The following COA1 variants were observed in gnomAD, a reference collection of about 807,000 sequenced individuals.
COA1 encodes cytochrome c oxidase assembly factor 1 homolog.
A neutral mutation model predicts 16.0 loss-of-function variants in COA1; 13 were observed. The ratio of observed to expected loss-of-function variants is 0.81; its 90% CI spans 0.53 to 1.29. The LOEUF is 1.29. Ranked by LOEUF, COA1 falls within the 50% of genes most tolerant of loss-of-function variation. The pLI is 0.00. For synonymous variants in COA1, 65 were observed against 65.7 expected (o/e 0.99, Z 0.05); for missense variants, 179 against 177.0 (o/e 1.01, Z -0.06).
chr7:43,633,630 A>T (rs1237354216), intron 6 of COA1, among the ~76,000 whole-genome samples: 1 of 152,238 alleles, frequency 6.6e-6, no homozygotes, highest in Non-Finnish European at 1.5e-5. Flanking sequence ...ACACAAAGTG[A>T]GCACAAGCTG....
intron 1 of COA1, among the ~76,000 whole-genome samples, chr7:43,699,779 T>C (rs2094648810): frequency 1.3e-5 from 2 of 152,198 alleles, no homozygotes; most frequent in Non-Finnish European, 2.9e-5. Context: ...CCAAAGGCAC[T>C]TGAGAAATAT....
At chr7:43,727,849 T>C (rs748044248) in intron 1 of COA1, among the ~76,000 whole-genome samples, 4 of 152,230 alleles carry the variant, frequency 2.6e-5, no homozygotes, top group South Asian at 2.1e-4. Context: ...GAATAACTTA[T>C]TGGAGTCTGT....
intron 6 of COA1, among the ~76,000 whole-genome samples, chr7:43,620,863 A>G (rs1042319353): frequency 2.0e-5 from 3 of 151,968 alleles, no homozygotes; most frequent in Non-Finnish European, 4.4e-5. Context: ...GACCTGGGAG[A>G]AGAGGAGGGC....
intron 1 of COA1, among the ~76,000 whole-genome samples, chr7:43,660,846 C>G (rs2153159445): frequency 6.6e-6 from 1 of 152,330 alleles, no homozygotes; most frequent in East Asian, 1.9e-4. Context: ...CCTTCTAATA[C>G]AGAAAACTGA....
intron 6 of COA1, among the ~76,000 whole-genome samples, chr7:43,622,025 T>A (rs2083949454): frequency 6.6e-6 from 1 of 152,208 alleles, no homozygotes; most frequent in South Asian, 2.1e-4. Flanking sequence ...GGGCTAGTAA[T>A]AGTACCGACC....
chr7:43,705,948 C>G (rs1363437669), intron 1 of COA1, among the ~76,000 whole-genome samples: 1 of 152,090 alleles, frequency 6.6e-6, no homozygotes, highest in Non-Finnish European at 1.5e-5. Flanking sequence ...CCCCTTTCAG[C>G]CTGGTATCTG....
intron 6 of COA1, chr7:43,632,176 A>G (rs1378755818): frequency 6.1e-6 from 1 of 163,798 alleles, no homozygotes; most frequent in Admixed American, 6.4e-5. Flanking sequence ...TCATTTCAAC[A>G]ATGTTCATAG....
chr7:43,707,762 T>C (rs1349989056), intron 1 of COA1, among the ~76,000 whole-genome samples: 2 of 152,220 alleles, frequency 1.3e-5, no homozygotes, highest in Non-Finnish European at 2.9e-5. Flanking sequence ...TTACTTACTA[T>C]ACTGTTGATG....
intron 1 of COA1, among the ~76,000 whole-genome samples, chr7:43,685,501 G>A (rs545383929): frequency 1.8e-4 from 28 of 152,308 alleles, no homozygotes; most frequent in Admixed American, 1.6e-3. Flanking sequence ...TTTGGTTTGC[G>A]GTGGGGTGGG....
At chr7:43,680,210 C>T (rs1262554838) in intron 1 of COA1, among the ~76,000 whole-genome samples, 1 of 149,768 alleles carries the variant, frequency 6.7e-6, no homozygotes, top group Non-Finnish European at 1.5e-5. Flanking sequence ...CAAATCAGGG[C>T]TTCTTTTTCC....
At position 43,689,480 on chromosome 7, in the gene COA1, AT is replaced by A. The variant is rs201311467; in HGVS notation, c.-39+39948del. ...TCAGCAGGCAGAATGTTTGGCTAGA[AT>A]TTTTTTTTTAACTGTCAACCCAGAA... On this transcript the variant is annotated intron_variant, in intron 1 of 5. Coordinates refer to ENST00000223336, the MANE Select transcript of COA1 (RefSeq NM_018224.4). Among the ~76,000 whole-genome samples, 49 of 150,650 alleles carry A rather than the reference AT, an allele frequency of 3.3e-4. No individual in the cohort carries two copies. The East Asian group carries it at 4.7e-3, about 14-fold the overall frequency.
chr7:43,720,587 C>T (rs146668376), intron 1 of COA1, among the ~76,000 whole-genome samples: 7 of 152,126 alleles, frequency 4.6e-5, no homozygotes, highest in African/African-American at 1.7e-4. Flanking sequence ...AATTAGGAAG[C>T]AGTATATCTA....
At chr7:43,653,722 T>G (rs2091270563) in intron 1 of COA1, among the ~76,000 whole-genome samples, 1 of 151,984 alleles carries the variant, frequency 6.6e-6, no homozygotes, top group African/African-American at 2.4e-5. Context: ...TTTTCACCAC[T>G]GAAAGTAATG....
At chr7:43,664,103 A>AGAGAGAGAG (rs2092695982) in intron 1 of COA1, among the ~76,000 whole-genome samples, 2 of 135,144 alleles carry the variant, frequency 1.5e-5, no homozygotes, top group East Asian at 2.1e-4. Context: ...TGTCTTTAGA[A>AGAGAGAGAG]AGAGAGAGAG....
At chr7:43,685,065 C>T (rs909264142) in intron 1 of COA1, among the ~76,000 whole-genome samples, 1 of 150,680 alleles carries the variant, frequency 6.6e-6, no homozygotes, top group Non-Finnish European at 1.5e-5. Context: ...AGAAGGATCA[C>T]TTGAGCCCAG....
At chr7:43,621,032 T>C (rs1470600959) in intron 6 of COA1, among the ~76,000 whole-genome samples, 1 of 152,042 alleles carries the variant, frequency 6.6e-6, no homozygotes, top group Non-Finnish European at 1.5e-5. Flanking sequence ...GTGTAGTTCT[T>C]GAAGGACTGA....
chr7:43,625,680 C>T (rs1414101950), intron 6 of COA1: 2 of 152,116 alleles, frequency 1.3e-5, no homozygotes, highest in African/African-American at 4.8e-5. Context: ...CTGATCAACA[C>T]TCTGGTTACC....
chr7:43,623,940 T>A, intron 6 of COA1: 3 of 1,259,194 alleles, frequency 2.4e-6, no homozygotes, highest in Non-Finnish European at 3.1e-6. Context: ...TATTAAAAAA[T>A]TCAGTATTAA....
chr7:43,701,003 A>G (rs752233703), intron 1 of COA1, among the ~76,000 whole-genome samples: 16 of 147,692 alleles, frequency 1.1e-4, no homozygotes, highest in Non-Finnish European at 2.5e-4. Context: ...ACAAAACCAA[A>G]AAGTTTTTGT....
Sources: allele counts gnomAD v4.1 joint callset (sites outside exome capture counted in the v4.1 genomes callset), GRCh38; gene constraint gnomAD v4.1.1; transcripts MANE v1.5; gene names NCBI Gene and HGNC (gene_info 2026-07-23, HGNC 2026-07-21).